The following BORCS5 variants were observed in gnomAD, a reference collection of about 807,000 sequenced individuals.
The protein encoded by BORCS5 is BLOC-1 related complex subunit 5.
A neutral mutation model predicts 22.1 loss-of-function variants in BORCS5; 17 were observed. That is an observed-to-expected ratio of 0.77 (90% CI 0.53 to 1.15). BORCS5 has a LOEUF of 1.15. BORCS5 is among the 50% of genes most tolerant of loss of function. The pLI is 0.00. For missense variants in BORCS5, 247 were observed against 253.2 expected, an observed-to-expected ratio of 0.98 and a Z score of 0.17; for synonymous variants, 117 against 99.8, an observed-to-expected ratio of 1.17 and a Z score of -1.03.
At chr12:12,423,064 T>C (rs1481876874) in intron 2 of BORCS5, among the ~76,000 whole-genome samples, 1 of 151,962 alleles carries the variant, frequency 6.6e-6, no homozygotes, top group African/African-American at 2.4e-5. Context: ...TGCAGTGGCG[T>C]GATCTCGACT....
intron 3 of BORCS5, among the ~76,000 whole-genome samples, chr12:12,448,215 T>G (rs1377665213): frequency 6.6e-6 from 1 of 152,100 alleles, no homozygotes; most frequent in African/African-American, 2.4e-5. Flanking sequence ...TTATTTTTAT[T>G]TATTTATTTA....
chr12:12,445,513 T>C (rs1329817518), intron 3 of BORCS5, among the ~76,000 whole-genome samples: 1 of 147,894 alleles, frequency 6.8e-6, no homozygotes, highest in Non-Finnish European at 1.5e-5. Flanking sequence ...TTTTTTTTTT[T>C]TTCAATTTGA....
At chr12:12,369,526 G>A (rs565817522) in intron 2 of BORCS5, among the ~76,000 whole-genome samples, 38 of 151,784 alleles carry the variant, frequency 2.5e-4, no homozygotes, top group Non-Finnish European at 4.6e-4. Flanking sequence ...TTTTTAGTAT[G>A]TATTCCATTT....
intron 3 of BORCS5, among the ~76,000 whole-genome samples, chr12:12,455,518 G>T: frequency 6.6e-6 from 1 of 152,094 alleles, no homozygotes; most frequent in East Asian, 1.9e-4. Flanking sequence ...AGTGGCTTAC[G>T]TCTGTAATCC....
At chr12:12,445,806 A>ATTTT (rs1174003674) in intron 3 of BORCS5, among the ~76,000 whole-genome samples, 2 of 127,416 alleles carry the variant, frequency 1.6e-5, no homozygotes, top group Admixed American at 7.9e-5. Flanking sequence ...GCTGACTTTA[A>ATTTT]TTTTTTTTTT....
intron 3 of BORCS5, among the ~76,000 whole-genome samples, chr12:12,459,401 T>C (rs1943061099): frequency 6.7e-6 from 1 of 149,852 alleles, no homozygotes; most frequent in South Asian, 2.1e-4. Context: ...ACCTCTACCT[T>C]CCAGGTTCAA....
At chr12:12,412,900 C>CTTTT (rs869045354) in intron 2 of BORCS5, among the ~76,000 whole-genome samples, 297 of 74,162 alleles carry the variant, frequency 4.0e-3, no homozygotes, top group African/African-American at 6.5e-3. Context: ...TTGTGGTTTT[C>CTTTT]TTTTTTTTTT....
At position 12,438,374 on chromosome 12, in the gene BORCS5, A is replaced by AAAAACAAAAAAC. The variant is rs1555156022; in HGVS notation, c.360+2593_360+2594insCAAAAAACAAAA. ...AGATTTCATCTCAAAAAAAAAAAAA[A>AAAAACAAAAAAC]AAAAAACGAAAAACAACAACAAAAA... On this transcript the variant is annotated intron_variant, in intron 3 of 3. Transcript: ENST00000314565. Among the ~76,000 whole-genome samples the AAAAACAAAAAAC allele has an allele frequency of 1.1e-3, 133 of 125,036 alleles. 5 individuals are homozygous for AAAAACAAAAAAC. Among genetic ancestry groups the AAAAACAAAAAAC allele is most frequent in the Admixed American group, 2.4e-3 (30 of 12,730 alleles). The allele number at this position is 125,036 out of a possible 152,430, so 82.0% of individuals were successfully genotyped here.
chr12:12,427,368 G>C (rs191536765), intron 2 of BORCS5, among the ~76,000 whole-genome samples: 108 of 151,984 alleles, frequency 7.1e-4, no homozygotes, highest in African/African-American at 2.6e-3. Flanking sequence ...TTTTACTAGA[G>C]ATGGGGTTTC....
At chr12:12,446,696 T>C (rs936482215) in intron 3 of BORCS5, among the ~76,000 whole-genome samples, 5 of 152,220 alleles carry the variant, frequency 3.3e-5, no homozygotes, top group East Asian at 3.8e-4. Flanking sequence ...AGACTGACTA[T>C]AGTATTATAA....
chr12:12,402,806 A>C (rs79666583), intron 2 of BORCS5, among the ~76,000 whole-genome samples: 2,245 of 152,334 alleles, frequency 0.015, 43 homozygotes, highest in African/African-American at 0.051. Context: ...TTCTACTGTA[A>C]TTAACATGAA....
intron 2 of BORCS5, among the ~76,000 whole-genome samples, chr12:12,421,970 T>C (rs7969270): frequency 0.6 from 90,533 of 151,962 alleles, 27,689 homozygotes; most frequent in African/African-American, 0.7. Flanking sequence ...TGCTAGTGGT[T>C]TATCAATTTT....
intron 2 of BORCS5, among the ~76,000 whole-genome samples, chr12:12,404,043 G>A (rs1394283447): frequency 6.6e-6 from 1 of 152,138 alleles, no homozygotes; most frequent in Non-Finnish European, 1.5e-5. Context: ...GGCTCATTCA[G>A]TACTTGCACA....
At chr12:12,452,604 G>A (rs1942932582) in intron 3 of BORCS5, 6 of 328,036 alleles carry the variant, frequency 1.8e-5, no homozygotes, top group South Asian at 1.5e-4. Flanking sequence ...GCCGGCAAGA[G>A]TTTATTCTTA....
rs761950808 is a variant in BORCS5, at chr12:12,465,729, C to T, written c.544C>T (p.Arg182Trp). ...RLNSMLPEGE[R>W]LEPFSMKPDR... is the part of the protein sequence containing the mutation. ...CAACAGCATGCTGCCCGAGGGCGAGCGGCTGGAGCCCTTCAGCATGAAGCC... is the reference window on the plus strand; with the variant it reads ...CAACAGCATGCTGCCCGAGGGCGAGTGGCTGGAGCCCTTCAGCATGAAGCC... The change falls in exon 4 of 4, where the codon CGG becomes TGG. Residue 182 changes from arginine (R) to tryptophan (W), a missense_variant. By Grantham distance (101) the Arg-to-Trp change is moderately radical. Coordinates refer to ENST00000314565, the MANE Select transcript of BORCS5 (RefSeq NM_058169.6). 9.7e-5 allele frequency: 157 copies of T among 1,613,940 alleles called. No homozygotes were observed. The East Asian group carries it at 3.1e-3, about 32-fold the overall frequency.
At chr12:12,423,925 A>G (rs540217844) in intron 2 of BORCS5, among the ~76,000 whole-genome samples, 2 of 152,156 alleles carry the variant, frequency 1.3e-5, no homozygotes, top group African/African-American at 4.8e-5. Flanking sequence ...CCTGACCTCA[A>G]GTGATCTGCC....
At chr12:12,415,416 GGC>G (rs1941909969) in intron 2 of BORCS5, among the ~76,000 whole-genome samples, 6 of 151,680 alleles carry the variant, frequency 4.0e-5, no homozygotes, top group Non-Finnish European at 7.4e-5. Context: ...CAGGCGTGGC[GGC>G]GTGCGCCTGC....
chr12:12,361,235 A>G lies in BORCS5; in HGVS notation c.88A>G (p.Lys30Glu). 3.1e-6 allele frequency: 5 copies of G among 1,614,206 alleles called. No homozygotes were observed. Among genetic ancestry groups the G allele is most frequent in the East Asian group, 2.2e-5 (1 of 44,888 alleles). ...VTPSPAKHRA[K>E]MDDIVVVAQG... ...TCCTTCACCAGCCAAGCATAGAGCC[A>G]AGATGGATGATATTGTGGTTGTAGC... The change falls in exon 2 of 4, where the codon AAG becomes GAG. Residue 30 changes from lysine (K) to glutamate (E), a missense_variant. By Grantham distance (56) the Lys-to-Glu change is moderately conservative. Coordinates refer to ENST00000314565, the MANE Select transcript of BORCS5 (RefSeq NM_058169.6).
chr12:12,392,137 C>T (rs1472476349), intron 2 of BORCS5, among the ~76,000 whole-genome samples: 2 of 151,084 alleles, frequency 1.3e-5, no homozygotes, highest in Non-Finnish European at 2.9e-5. Flanking sequence ...GGGATTTCTG[C>T]ACACAGCAAT....
Sources: allele counts gnomAD v4.1 joint callset (sites outside exome capture counted in the v4.1 genomes callset), GRCh38; gene constraint gnomAD v4.1.1; transcripts MANE v1.5; gene names NCBI Gene and HGNC (gene_info 2026-07-23, HGNC 2026-07-21).